MYO7B: variants seen among roughly 807,000 people sequenced by gnomAD.
MYO7B encodes the protein myosin VIIB, also known as unconventional myosin-VIIb.
MYO7B carries 212 observed loss-of-function variants against 259.7 expected under a neutral mutation model. That is an observed-to-expected ratio of 0.82 (90% CI 0.73 to 0.91). The LOEUF (loss-of-function observed/expected upper bound fraction) is 0.91. MYO7B is among the 40% of genes least tolerant of loss of function. MYO7B has a pLI of 0.00. For missense variants in MYO7B, 2,732 were observed against 2,813.5 expected, an observed-to-expected ratio of 0.97 and a Z score of 0.66; for synonymous variants, 1,197 against 1,166.4, an observed-to-expected ratio of 1.03 and a Z score of -0.54.
rs545818199 is a variant in MYO7B, at chr2:127,613,495, G to A, written c.3398+892G>A. On this transcript the variant is annotated intron_variant, in intron 26 of 47. Transcript: ENST00000409816. The surrounding 1 kb of genome is among the most constrained non-coding windows in gnomAD (Gnocchi z 4.3). The stretch of plus-strand genomic sequence containing the variant: ...AGCATTGTTTCCTTTATATCCTTGA[G>A]CAGATTTACAGTAGTTTTTAAATCT... Among the ~76,000 whole-genome samples the A allele has an allele frequency of 6.6e-6, 1 of 152,260 alleles. No individual in the cohort carries two copies. Among genetic ancestry groups the A allele is most frequent in the Non-Finnish European group, 1.5e-5 (1 of 68,012 alleles).
intron 1 of MYO7B, among the ~76,000 whole-genome samples, chr2:127,542,576 G>A (rs1166139244): frequency 6.6e-6 from 1 of 152,216 alleles, no homozygotes; most frequent in African/African-American, 2.4e-5. Flanking sequence ...GGATAAGGAT[G>A]AAGGGGTGGC....
intron 42 of MYO7B, 41 bp downstream of exon 42, chr2:127,634,724 G>T: frequency 6.4e-7 from 1 of 1,551,670 alleles, no homozygotes; most frequent in Non-Finnish European, 8.8e-7. Context: ...GCGTGGCTGG[G>T]TGGGTCGAGG....
At chr2:127,629,954 C>G in intron 35 of MYO7B, 128 bp downstream of exon 35, 1 of 998,640 alleles carries the variant, frequency 1.0e-6, no homozygotes, top group Admixed American at 4.1e-5. Context: ...GAGGGCCACC[C>G]GGGCAGCCCC....
At chr2:127,619,573 GT>G (rs2105070267) in intron 26 of MYO7B, among the ~76,000 whole-genome samples, 1 of 152,256 alleles carries the variant, frequency 6.6e-6, no homozygotes, top group African/African-American at 2.4e-5. Context: ...TCCCATCTCT[GT>G]TCGGTGATGT....
At position 127,630,917 on chromosome 2, in the gene MYO7B, C is replaced by T. The variant is rs567240186; in HGVS notation, c.4937+9C>T. On this transcript the variant is annotated intron_variant, in intron 36 of 47. Coordinates refer to ENST00000409816, the MANE Select transcript of MYO7B (RefSeq NM_001393586.1). Reference sequence around the variant, plus strand: ...TCCTATGAGTTCTTCAGGTGCCCCCCAGCCCCGCTCCGCCTCATTGCACCC... The same window carrying T: ...TCCTATGAGTTCTTCAGGTGCCCCCTAGCCCCGCTCCGCCTCATTGCACCC... 1 of 1,558,216 alleles carries T rather than the reference C, an allele frequency of 6.4e-7. No individual in the cohort carries two copies. The highest frequency in any genetic ancestry group is 1.2e-5 in the South Asian group (1 of 85,046).
In MYO7B at chr2:127,630,767, GCC is replaced by G. The variant is rs796279875; in HGVS notation, c.4807-7_4807-6del. On this transcript the variant is annotated splice_polypyrimidine_tract_variant and intron_variant, in intron 35 of 47. Transcript: ENST00000409816. ...GGCTCCTGGGCACCCACAGGCCTGT[GCC>G]CCCTTCAGAGCTTGCTTGCCATGTC... 5.6e-6 allele frequency: 9 copies of G among 1,612,468 alleles called. No homozygotes were observed. The African/African-American group carries it at 8.0e-5, about 14-fold the overall frequency.
In MYO7B at chr2:127,623,204, T is replaced by G. The variant is rs188404852; in HGVS notation, c.3648T>G (p.Ala1216=). The change falls in exon 29 of 48, where the codon GCT becomes GCG. Residue 1216 remains alanine, a splice_region_variant and synonymous_variant. Transcript: ENST00000409816. The stretch of plus-strand genomic sequence containing the variant: ...AACTGAATCTCATCTGTCCCCAGGC[T>G]GTCAAGTCCAAGAAGCACATCCCCA... ...AEPPTWLELQ[A]VKSKKHIPIQ... is the part of the protein sequence containing the mutation. The G allele has an allele frequency of 2.6e-3, 4,198 of 1,613,460 alleles. 15 individuals are homozygous for G. Among genetic ancestry groups the G allele is most frequent in the Non-Finnish European group, 3.2e-3 (3,829 of 1,179,744 alleles).
Position 127,577,087 on chromosome 2 carries a change from G to A in MYO7B, c.849+379G>A, listed in dbSNP as rs559945543. On this transcript the variant is annotated intron_variant, in intron 8 of 47. Coordinates refer to ENST00000409816, the MANE Select transcript of MYO7B (RefSeq NM_001393586.1). This position sits in a 1 kb window ranked among gnomAD's most constrained non-coding sequence, Gnocchi z 5.2. ...GCAGGCCCCCTAAAACGTAAGCCCC[G>A]GGCCCCAGGAAAGCAAAGCCCTTCC... Among the ~76,000 whole-genome samples, 58 of 152,132 alleles carry A rather than the reference G, an allele frequency of 3.8e-4. No homozygotes were observed. The highest frequency in any genetic ancestry group is 1.2e-3 in the South Asian group (6 of 4,812).
chr2:127,635,549 GGGCCCTGCCCTGACT>G (rs1681752315), intron 43 of MYO7B, 158 bp from the exon 44 acceptor site: 7 of 741,674 alleles, frequency 9.4e-6, no homozygotes, highest in Non-Finnish European at 6.4e-6. Flanking sequence ...AGATGTCAGG[GGGCCCTGCCCTGACT>G]CAGGGTCATT....
At chr2:127,617,486 G>GTTTTTT (rs1558838488) in intron 26 of MYO7B, among the ~76,000 whole-genome samples, 32 of 107,828 alleles carry the variant, frequency 3.0e-4, no homozygotes, top group African/African-American at 1.3e-3. Flanking sequence ...CTTGTAACGG[G>GTTTTTT]GTTTTTTTTT....
chr2:127,634,583 T>G lies in MYO7B; in HGVS notation c.5626-13T>G. On this transcript the variant is annotated splice_polypyrimidine_tract_variant and intron_variant, in intron 41 of 47. Coordinates refer to ENST00000409816, the MANE Select transcript of MYO7B (RefSeq NM_001393586.1). ...GAAGCCACCCAACTTCCCTGTACCT[T>G]CCCCTTCCCCAGGTCATCAGCCAGA... The G allele has an allele frequency of 1.9e-6, 3 of 1,606,980 alleles. No homozygotes were observed. Among genetic ancestry groups the G allele is most frequent in the Non-Finnish European group, 2.6e-6 (3 of 1,176,412 alleles).
chr2:127,575,627 T>G (rs993587501), intron 7 of MYO7B, among the ~76,000 whole-genome samples: 3 of 152,066 alleles, frequency 2.0e-5, no homozygotes, highest in Non-Finnish European at 4.4e-5. Context: ...TATAAGTAAA[T>G]GTTTTTTTAA....
chr2:127,591,845 GT>G (rs1489680369), intron 16 of MYO7B, among the ~76,000 whole-genome samples: 1 of 152,180 alleles, frequency 6.6e-6, no homozygotes, highest in Non-Finnish European at 1.5e-5. Flanking sequence ...TTCTCTGCCA[GT>G]CACACTCGCC....
At chr2:127,619,944 G>A (rs974458716) in intron 26 of MYO7B, 1 of 156,818 alleles carries the variant, frequency 6.4e-6, no homozygotes, top group Non-Finnish European at 1.4e-5. Flanking sequence ...GAGGGGAGGG[G>A]CTGCATTCAG....
chr2:127,576,265 G>T lies in MYO7B; in HGVS notation c.736-330G>T, dbSNP rs569387828. On this transcript the variant is annotated intron_variant, in intron 7 of 47. Coordinates refer to ENST00000409816, the MANE Select transcript of MYO7B (RefSeq NM_001393586.1). This position sits in a 1 kb window ranked among gnomAD's most constrained non-coding sequence, Gnocchi z 4.9. ...TGTCAGATCTCTCGTGGGCCACTAA[G>T]TGCCTGTGAAGACTGTGGGACTATA... Among the ~76,000 whole-genome samples, 17 of 152,244 alleles carry T rather than the reference G, an allele frequency of 1.1e-4. 4 individuals carry two copies. The South Asian group carries it at 3.1e-3, about 28-fold the overall frequency.
In MYO7B at chr2:127,634,699, T is replaced by C; in HGVS notation, c.5713+16T>C. The C allele has an allele frequency of 6.3e-7, 1 of 1,598,570 alleles. No individual in the cohort carries two copies. Among genetic ancestry groups the C allele is most frequent in the South Asian group, 1.1e-5 (1 of 89,916 alleles). ...CAGAAAGAAGGTGAGGAGGCCTCTG[T>C]GGAGCTGGGGGAGGGCGTGGCTGGG... On this transcript the variant is annotated intron_variant, in intron 42 of 47. Coordinates refer to ENST00000409816, the MANE Select transcript of MYO7B (RefSeq NM_001393586.1).
rs1681336379 is a variant in MYO7B, at chr2:127,629,340, T to C, written c.4625-305T>C. Among the ~76,000 whole-genome samples, 4 of 152,184 alleles carry C rather than the reference T, an allele frequency of 2.6e-5. No homozygotes were observed. In the South Asian group the frequency reaches 8.3e-4, roughly 32 times the overall value. ...AGGCCAGGCGTGGGGACTGCCAGCC[T>C]GTGCATCCTCCCCTCCCTCATCCCT... is the stretch of plus-strand genomic sequence containing the variant. On this transcript the variant is annotated intron_variant, in intron 34 of 47. Coordinates refer to ENST00000409816, the MANE Select transcript of MYO7B (RefSeq NM_001393586.1).
chr2:127,563,612 T>G (rs901161356), intron 2 of MYO7B, among the ~76,000 whole-genome samples: 4 of 152,220 alleles, frequency 2.6e-5, no homozygotes, highest in African/African-American at 4.8e-5. Flanking sequence ...CAGCAAGACA[T>G]GCTGCTTTTG....
chr2:127,560,874 G>A (rs960963853), intron 2 of MYO7B, among the ~76,000 whole-genome samples: 3 of 152,198 alleles, frequency 2.0e-5, no homozygotes, highest in Non-Finnish European at 4.4e-5. Context: ...ACTACGCAGC[G>A]GCCCCTGGTG....
Sources: allele counts gnomAD v4.1 joint callset (sites outside exome capture counted in the v4.1 genomes callset), GRCh38; gene constraint gnomAD v4.1.1; non-coding constraint Gnocchi (gnomAD v3.1); transcripts MANE v1.5; gene names NCBI Gene and HGNC (gene_info 2026-07-23, HGNC 2026-07-21).